The following SORCS3 variants were observed in gnomAD, a reference collection of about 807,000 sequenced individuals.
SORCS3 encodes the protein VPS10 domain-containing receptor SorCS3.
In SORCS3, 57 loss-of-function variants were observed where a neutral mutation model predicts 146.3. The ratio of observed to expected loss-of-function variants is 0.39; its 90% CI spans 0.31 to 0.49. SORCS3 has a LOEUF of 0.49. Among genes scored for constraint, SORCS3 ranks in the 20% least tolerant of loss-of-function variants. The pLI, the probability that SORCS3 is intolerant of heterozygous loss-of-function variation, is 0.92. For missense variants in SORCS3, 1,341 were observed against 1,575.5 expected, an observed-to-expected ratio of 0.85 and a Z score of 2.52; for synonymous variants, 653 against 618.5, an observed-to-expected ratio of 1.06 and a Z score of -0.83.
chr10:105,105,129 TA>T (rs2055811884), intron 6 of SORCS3, among the ~76,000 whole-genome samples: 1 of 152,204 alleles, frequency 6.6e-6, no homozygotes, highest in East Asian at 1.9e-4. Context: ...TTCTGATACA[TA>T]TTTCAAATTT....
intron 4 of SORCS3, among the ~76,000 whole-genome samples, chr10:105,011,200 T>C (rs183793341): frequency 2.7e-3 from 413 of 152,290 alleles, no homozygotes; most frequent in Non-Finnish European, 4.0e-3. Flanking sequence ...TGAAAAATAA[T>C]TTATGTCTAA....
At chr10:105,174,585 TAA>T (rs371704771) in intron 13 of SORCS3, among the ~76,000 whole-genome samples, 3 of 152,182 alleles carry the variant, frequency 2.0e-5, no homozygotes, top group African/African-American at 7.2e-5. Context: ...AGTGTGAGAA[TAA>T]AGTGTTAGAA....
At chr10:104,911,615 A>G (rs1378405830) in intron 2 of SORCS3, among the ~76,000 whole-genome samples, 1 of 152,194 alleles carries the variant, frequency 6.6e-6, no homozygotes, top group Non-Finnish European at 1.5e-5. Context: ...TAGTTGGAAA[A>G]CAACTTAGCA....
chr10:105,106,529 A>G (rs1319600988), intron 7 of SORCS3, among the ~76,000 whole-genome samples: 2 of 152,200 alleles, frequency 1.3e-5, no homozygotes, highest in African/African-American at 4.8e-5. Flanking sequence ...AATGGTGATG[A>G]TATTTTATAC....
chr10:105,059,198 C>T (rs1483870578), intron 5 of SORCS3, among the ~76,000 whole-genome samples: 1 of 152,046 alleles, frequency 6.6e-6, no homozygotes, highest in Admixed American at 6.5e-5. Flanking sequence ...ACTGGTTCCC[C>T]CTTATCAAAA....
At chr10:105,009,609 G>C (rs1163035374) in intron 4 of SORCS3, among the ~76,000 whole-genome samples, 3 of 151,470 alleles carry the variant, frequency 2.0e-5, no homozygotes, top group Non-Finnish European at 4.4e-5. Context: ...GTCAGAAACT[G>C]TAGGGAAAGG....
chr10:104,651,253 C>T (rs1301438947), intron 1 of SORCS3, among the ~76,000 whole-genome samples: 3 of 152,106 alleles, frequency 2.0e-5, no homozygotes, highest in Admixed American at 2.0e-4. Context: ...AACTCTAAAG[C>T]GTCTTTTCTG....
At chr10:104,771,533 A>G (rs1291696086) in intron 1 of SORCS3, among the ~76,000 whole-genome samples, 1 of 152,138 alleles carries the variant, frequency 6.6e-6, no homozygotes, top group Non-Finnish European at 1.5e-5. Flanking sequence ...AGTGTGCTGA[A>G]CTTTTGGGGT....
At chr10:104,700,115 G>A (rs1419176800) in intron 1 of SORCS3, among the ~76,000 whole-genome samples, 1 of 152,170 alleles carries the variant, frequency 6.6e-6, no homozygotes, top group Non-Finnish European at 1.5e-5. Context: ...AGGAGTGGGT[G>A]GTTTGCCCTG....
At chr10:105,031,996 C>T (rs1177563146) in intron 4 of SORCS3, among the ~76,000 whole-genome samples, 1 of 152,082 alleles carries the variant, frequency 6.6e-6, no homozygotes, top group Non-Finnish European at 1.5e-5. Flanking sequence ...AGTTCAAGAC[C>T]AGCCTGACCA....
chr10:104,914,622 A>T (rs1045633383), intron 2 of SORCS3, among the ~76,000 whole-genome samples: 7 of 152,156 alleles, frequency 4.6e-5, no homozygotes, highest in African/African-American at 1.7e-4. Flanking sequence ...TAGGCAACAG[A>T]GTGAGCACCT....
intron 1 of SORCS3, among the ~76,000 whole-genome samples, chr10:104,823,441 T>C (rs2017898548): frequency 6.6e-6 from 1 of 152,154 alleles, no homozygotes; most frequent in Non-Finnish European, 1.5e-5. Context: ...TAGCGACAAC[T>C]TTTTCATAAG....
chr10:105,227,459 C>T (rs903632622), intron 20 of SORCS3, among the ~76,000 whole-genome samples: 3 of 152,166 alleles, frequency 2.0e-5, no homozygotes, highest in African/African-American at 7.2e-5. Flanking sequence ...TGTTTTGTGT[C>T]CTAACATATG....
Position 104,642,643 on chromosome 10 carries a change from C to G in SORCS3, c.627+689C>G, listed in dbSNP as rs569980048. On this transcript the variant is annotated intron_variant, in intron 1 of 26. Transcript: ENST00000369701. The stretch of plus-strand genomic sequence containing the variant: ...TTAAAGCGTGAAGCGAAATTCCACA[C>G]CCATCCAGCGCTCATGCCACACCGC... Among the ~76,000 whole-genome samples the G allele has an allele frequency of 2.0e-5, 3 of 152,310 alleles. No homozygotes were observed. The South Asian group carries it at 6.2e-4, about 32-fold the overall frequency.
Position 105,146,498 on chromosome 10 carries a change from T to C in SORCS3, c.1303-1119T>C, listed in dbSNP as rs561508013. On this transcript the variant is annotated intron_variant, in intron 8 of 26. Transcript: ENST00000369701. ...ATATGGATATAGAGGGCTGAGACCC[T>C]AACTTGGGGTCCTGACTCCATCTGA... 1.2e-4 allele frequency among the ~76,000 whole-genome samples: 19 copies of C among 152,198 alleles called. No individual in the cohort carries two copies. The East Asian group carries it at 3.7e-3, about 29-fold the overall frequency.
chr10:104,905,458 A>G (rs753299676), intron 2 of SORCS3, among the ~76,000 whole-genome samples: 17 of 152,158 alleles, frequency 1.1e-4, no homozygotes, highest in Non-Finnish European at 2.2e-4. Flanking sequence ...CTTTGCTATT[A>G]GTTTCTCACA....
Position 104,651,549 on chromosome 10 carries a change from A to AAG in SORCS3, c.627+9596_627+9597insGA, listed in dbSNP as rs2015559351. ...GGGCTCTACTAAAAAAAAAAAAAAA[A>AAG]AAAAACACAAAAATTAGCTGGTGGC... On this transcript the variant is annotated intron_variant, in intron 1 of 26. Transcript: ENST00000369701. Among the ~76,000 whole-genome samples, 3 of 151,014 alleles carry AAG rather than the reference A, an allele frequency of 2.0e-5. No individual in the cohort carries two copies. In the South Asian group the frequency reaches 6.3e-4, roughly 32 times the overall value.
In SORCS3 at chr10:104,840,294, G is replaced by A. The variant is rs150751117; in HGVS notation, c.628-2498G>A. Reference sequence around the variant, plus strand: ...TCTTTGCTCATGATGCTTCCTCCATGTAGAAACACTTCAGCATTCCCTTTA... The same window carrying A: ...TCTTTGCTCATGATGCTTCCTCCATATAGAAACACTTCAGCATTCCCTTTA... On this transcript the variant is annotated intron_variant, in intron 1 of 26. Coordinates refer to ENST00000369701, the MANE Select transcript of SORCS3 (RefSeq NM_014978.3). 7.4e-3 allele frequency among the ~76,000 whole-genome samples: 1,131 copies of A among 152,322 alleles called. 12 individuals carry two copies. The highest frequency in any genetic ancestry group is 0.026 in the African/African-American group (1,082 of 41,574).
chr10:104,701,303 G>A (rs570502198), intron 1 of SORCS3, among the ~76,000 whole-genome samples: 1 of 152,302 alleles, frequency 6.6e-6, no homozygotes, highest in East Asian at 1.9e-4. Context: ...TTCTCCATTT[G>A]GCTGATACAG....
Sources: gnomAD v4.1 joint callset for allele counts (sites outside exome capture counted in the v4.1 genomes callset) on GRCh38, gnomAD v4.1.1 for gene constraint, MANE v1.5 for transcripts, NCBI Gene and HGNC (gene_info 2026-07-23, HGNC 2026-07-21) for gene names.